LARP6: variants seen among roughly 807,000 people sequenced by gnomAD.
LARP6 encodes la-related protein 6.
LARP6 carries 18 observed loss-of-function variants against 32.8 expected under a neutral mutation model. The observed-to-expected ratio is 0.55, with a 90% CI of 0.38 to 0.81. The LOEUF is 0.81. LARP6 is among the 40% of genes least tolerant of loss of function. The pLI, the probability that LARP6 is intolerant of heterozygous loss-of-function variation, is 0.00. For synonymous variants in LARP6, 289 were observed against 267.2 expected (o/e 1.08, Z -0.80); for missense variants, 598 against 663.1 (o/e 0.90, Z 1.08).
intron 1 of LARP6, among the ~76,000 whole-genome samples, chr15:70,853,023 G>T (rs1239922022): frequency 6.6e-6 from 1 of 152,186 alleles, no homozygotes; most frequent in Non-Finnish European, 1.5e-5. Context: ...GAATGTGCAA[G>T]TTCTGTCATT....
chr15:70,850,075 G>C (rs1435065726), intron 1 of LARP6, among the ~76,000 whole-genome samples: 1 of 152,104 alleles, frequency 6.6e-6, no homozygotes, highest in Admixed American at 6.5e-5. Flanking sequence ...AAGTCATTGG[G>C]GAAAGAATAT....
Position 70,853,991 on chromosome 15 carries a change from T to A in LARP6, c.98A>T (p.Asp33Val). 1 of 1,464,712 alleles carries A rather than the reference T, an allele frequency of 6.8e-7. No individual in the cohort carries two copies. The highest frequency in any genetic ancestry group is 9.1e-7 in the Non-Finnish European group (1 of 1,103,056). 90.7% of individuals were successfully genotyped at this position (1,464,712 alleles called of 1,614,324 possible). A position where few individuals can be genotyped will look rare whatever the true frequency, so the allele number is the denominator to read the frequency against. ...QEAEDVDELE[D>V]EEEGAETRGA... ...CCGAGTCTCCGCCCCCTCCTCCTCG[T>A]CCTCCAACTCGTCCACGTCCTCGGC... The change falls in exon 1 of 3, where the codon GAC becomes GTC. Residue 33 changes from aspartate (D) to valine (V), a missense_variant. Coordinates refer to ENST00000299213, the MANE Select transcript of LARP6 (RefSeq NM_018357.4).
In LARP6 at chr15:70,847,840, A is replaced by T. The variant is rs532187286; in HGVS notation, c.200+6049T>A. ...CCCTCACTACAGCTTTCAATCCAGG[A>T]ATGATTTTTCAGACTCATTGTCTAT... is the stretch of plus-strand genomic sequence containing the variant. On this transcript the variant is annotated intron_variant, in intron 1 of 2. Coordinates refer to ENST00000299213, the MANE Select transcript of LARP6 (RefSeq NM_018357.4). Among the ~76,000 whole-genome samples, 7 of 152,264 alleles carry T rather than the reference A, an allele frequency of 4.6e-5. 1 individual carries two copies. The South Asian group carries it at 1.5e-3, about 32-fold the overall frequency.
rs934370808 is a variant in LARP6, at chr15:70,853,729, G to A, written c.200+160C>T. Among the ~76,000 whole-genome samples, 24 of 152,276 alleles carry A rather than the reference G, an allele frequency of 1.6e-4. 2 individuals carry two copies. The highest frequency in any genetic ancestry group is 5.2e-4 in the Admixed American group (8 of 15,308). ...GGGGCACCGGCTGCCTCCACGGGCC[G>A]GTTCTGACTCAGGGGCTCGGCCCGG... On this transcript the variant is annotated intron_variant, in intron 1 of 2. Coordinates refer to ENST00000299213, the MANE Select transcript of LARP6 (RefSeq NM_018357.4).
intron 1 of LARP6, among the ~76,000 whole-genome samples, chr15:70,843,608 T>C (rs1175529825): frequency 1.3e-5 from 2 of 151,818 alleles, no homozygotes; most frequent in Non-Finnish European, 2.9e-5. Flanking sequence ...TTTCTTTTAG[T>C]TTTGGTTCTT....
At position 70,836,293 on chromosome 15, in the gene LARP6, A is replaced by G. The variant is rs1380434265; in HGVS notation, c.411+2T>C. 6.2e-7 allele frequency: 1 copy of G among 1,613,626 alleles called. No individual in the cohort carries two copies. The highest frequency in any genetic ancestry group is 8.5e-7 in the Non-Finnish European group (1 of 1,179,628). On this transcript the variant is annotated splice_donor_variant, in intron 2 of 2. Transcript: ENST00000299213. LOFTEE classifies it high-confidence loss of function. The stretch of plus-strand genomic sequence containing the variant: ...AAGCAGCTTCTGAGAACCAAGCCTC[A>G]CCTTTTTGAAGGATGTGAGTAGCTT...
chr15:70,850,107 G>T (rs1465660663), intron 1 of LARP6, among the ~76,000 whole-genome samples: 1 of 152,106 alleles, frequency 6.6e-6, no homozygotes, highest in Admixed American at 6.5e-5. Flanking sequence ...TGGAAAACTT[G>T]GAAGAAATGC....
chr15:70,843,160 T>C (rs1322400790), intron 1 of LARP6, among the ~76,000 whole-genome samples: 1 of 152,200 alleles, frequency 6.6e-6, no homozygotes, highest in Non-Finnish European at 1.5e-5. Context: ...AGACCTAGGA[T>C]GTGTCCTTTC....
rs1334183274 is a variant in LARP6, at chr15:70,832,636, T to C, written c.892A>G (p.Lys298Glu). The C allele has an allele frequency of 2.5e-6, 4 of 1,609,594 alleles. No individual in the cohort carries two copies. The highest frequency in any genetic ancestry group is 3.4e-6 in the Non-Finnish European group (4 of 1,178,814). Residue 298 changes from lysine (K) to glutamate (E), a missense_variant, in exon 3 of 3, where the codon AAG becomes GAG. Lys to Glu is a moderately conservative substitution (Grantham distance 56, BLOSUM62 1). Around this residue, in one of 3 missense-constraint regions of LARP6, gnomAD observed 368 missense variants for 397.9 expected, o/e 0.92. Transcript: ENST00000299213. ...TGATTTTTGTCTTTGGCAGGTTTCT[T>C]TTTGGGTGGCTTCATACCAATCAGG... The part of the protein sequence containing the change: ...AVLIGMKPPK[K>E]KPAKDKNHDE...
intron 1 of LARP6, among the ~76,000 whole-genome samples, chr15:70,840,227 G>C (rs11072221): frequency 0.71 from 107,562 of 152,088 alleles, 38,346 homozygotes; most frequent in Middle Eastern, 0.83. Context: ...AAAGTTTATC[G>C]CCTAAATAGT....
chr15:70,833,902 C>T (rs1225616457), intron 2 of LARP6, among the ~76,000 whole-genome samples: 1 of 152,182 alleles, frequency 6.6e-6, no homozygotes, highest in Non-Finnish European at 1.5e-5. Context: ...CCTCCCTCCT[C>T]CTTTGTTGGT....
At position 70,832,959 on chromosome 15, in the gene LARP6, T is replaced by C; in HGVS notation, c.569A>G (p.Asp190Gly). 1 of 1,609,692 alleles carries C rather than the reference T, an allele frequency of 6.2e-7. No homozygotes were observed. The highest frequency in any genetic ancestry group is 8.5e-7 in the Non-Finnish European group (1 of 1,177,748). Residue 190 changes from aspartate to glycine, a missense_variant, in exon 3 of 3, where the codon GAT becomes GGT. By Grantham distance (94) the Asp-to-Gly change is moderately conservative. Around this residue, in one of 3 missense-constraint regions of LARP6, gnomAD observed 368 missense variants for 397.9 expected, o/e 0.92. Coordinates refer to ENST00000299213, the MANE Select transcript of LARP6 (RefSeq NM_018357.4). ...NLPSKMLLVY[D>G]LYLSPKLWAL... is the part of the protein sequence containing the mutation. ...CCACAGCTTAGGAGACAAGTAGAGA[T>C]CATAGACCAGGAGCATCTTGCTGGG...
chr15:70,831,097 C>A lies in LARP6; in HGVS notation c.*955G>T, dbSNP rs1163589040. On this transcript the variant is annotated 3_prime_UTR_variant, in exon 3 of 3. Coordinates refer to ENST00000299213, the MANE Select transcript of LARP6 (RefSeq NM_018357.4). ...TGCAGCGTTTGTTAAAACCCAAATT[C>A]CAGGCCTTTCTCCCAGACTTTCTAA... 6.6e-6 allele frequency: 1 copy of A among 152,228 alleles called. No individual in the cohort carries two copies. Among genetic ancestry groups the A allele is most frequent in the African/African-American group, 2.4e-5 (1 of 41,462 alleles). 9.4% of individuals were successfully genotyped at this position (152,228 alleles called of 1,614,324 possible). A position where few individuals can be genotyped will look rare whatever the true frequency, so the allele number is the denominator to read the frequency against.
At position 70,829,871 on chromosome 15, in the gene LARP6, T is replaced by G. The variant is rs1164096596; in HGVS notation, c.*2181A>C. On this transcript the variant is annotated 3_prime_UTR_variant, in exon 3 of 3. Transcript: ENST00000299213. ...TAACTATGATCCACGAGGGTTAATC[T>G]AAAAATAGAGCTGTGACTTGTGTAA... 6.6e-6 allele frequency: 1 copy of G among 152,218 alleles called. No individual in the cohort carries two copies. Among genetic ancestry groups the G allele is most frequent in the Non-Finnish European group, 1.5e-5 (1 of 68,036 alleles). 9.4% of individuals were successfully genotyped at this position (152,218 alleles called of 1,614,324 possible). A position where few individuals can be genotyped will look rare whatever the true frequency, so the allele number is the denominator to read the frequency against.
intron 1 of LARP6, among the ~76,000 whole-genome samples, chr15:70,836,835 C>T (rs28398321): frequency 0.059 from 8,907 of 152,208 alleles, 362 homozygotes; most frequent in African/African-American, 0.1. Flanking sequence ...AGGAAAGATG[C>T]TTAGAATGGA....
chr15:70,838,706 T>C (rs2032192785), intron 1 of LARP6, among the ~76,000 whole-genome samples: 1 of 152,050 alleles, frequency 6.6e-6, no homozygotes, highest in Non-Finnish European at 1.5e-5. Flanking sequence ...AATAAACATT[T>C]AGAGAATACT....
At chr15:70,851,584 A>C in intron 1 of LARP6, 1 of 1,586,428 alleles carries the variant, frequency 6.3e-7, no homozygotes. Context: ...CAAATATCTC[A>C]ACACCATTGA....
chr15:70,841,437 G>T (rs538210735), intron 1 of LARP6, among the ~76,000 whole-genome samples: 1 of 152,240 alleles, frequency 6.6e-6, no homozygotes, highest in Middle Eastern at 3.4e-3. Flanking sequence ...ATCCATCAAA[G>T]AACTTGTAGC....
intron 1 of LARP6, among the ~76,000 whole-genome samples, chr15:70,840,801 G>C (rs1449207180): frequency 6.6e-6 from 1 of 151,898 alleles, no homozygotes; most frequent in Non-Finnish European, 1.5e-5. Context: ...CCTACTCCCA[G>C]GACAAGTTAG....
Sources: gnomAD v4.1 joint callset for allele counts (sites outside exome capture counted in the v4.1 genomes callset) on GRCh38, gnomAD v4.1.1 for gene constraint, gnomAD v4.1.1 regional missense constraint, MANE v1.5 for transcripts, NCBI Gene and HGNC (gene_info 2026-07-23, HGNC 2026-07-21) for gene names.